The following ST6GALNAC3 variants were observed in gnomAD, a reference collection of about 807,000 sequenced individuals.
The protein encoded by ST6GALNAC3 is ST6 N-acetylgalactosaminide alpha-2,6-sialyltransferase 3.
In ST6GALNAC3, 25 loss-of-function variants were observed where a neutral mutation model predicts 32.7. That is an observed-to-expected ratio of 0.76 (90% CI 0.56 to 1.07). ST6GALNAC3 has a LOEUF of 1.07. ST6GALNAC3 is among the 50% of genes least tolerant of loss of function. ST6GALNAC3 has a pLI of 0.00. For synonymous variants in ST6GALNAC3, 129 were observed against 133.1 expected, an observed-to-expected ratio of 0.97 and a Z score of 0.21; for missense variants, 355 against 382.4, an observed-to-expected ratio of 0.93 and a Z score of 0.60.
At chr1:76,516,673 A>G (rs569099340) in intron 3 of ST6GALNAC3, among the ~76,000 whole-genome samples, 1 of 152,230 alleles carries the variant, frequency 6.6e-6, no homozygotes, top group African/African-American at 2.4e-5. Context: ...CAATCTAATG[A>G]GCAAAAAGTT....
At chr1:76,457,983 C>T (rs1269122657) in intron 3 of ST6GALNAC3, among the ~76,000 whole-genome samples, 3 of 148,896 alleles carry the variant, frequency 2.0e-5, no homozygotes, top group African/African-American at 7.4e-5. Context: ...GCAACCTACT[C>T]ATCTGACAAA....
chr1:76,121,907 C>T (rs1440250371), intron 1 of ST6GALNAC3, among the ~76,000 whole-genome samples: 1 of 152,180 alleles, frequency 6.6e-6, no homozygotes, highest in East Asian at 1.9e-4. Flanking sequence ...GCTGTTCCAG[C>T]CCTCTTGCCG....
intron 2 of ST6GALNAC3, among the ~76,000 whole-genome samples, chr1:76,383,505 C>G (rs1174924260): frequency 6.8e-6 from 1 of 148,006 alleles, no homozygotes; most frequent in Admixed American, 6.9e-5. Flanking sequence ...TTGACAGGCT[C>G]AAACAATCCT....
At chr1:76,208,987 T>C (rs1336839196) in intron 1 of ST6GALNAC3, among the ~76,000 whole-genome samples, 1 of 152,224 alleles carries the variant, frequency 6.6e-6, no homozygotes, top group South Asian at 2.1e-4. Flanking sequence ...TCTTCATCTT[T>C]AATGATAAAT....
intron 3 of ST6GALNAC3, among the ~76,000 whole-genome samples, chr1:76,623,834 A>G (rs1472047972): frequency 6.6e-6 from 1 of 151,928 alleles, no homozygotes. Context: ...TGGAAATGGT[A>G]CGGCTACAAG....
intron 1 of ST6GALNAC3, among the ~76,000 whole-genome samples, chr1:76,217,101 A>T (rs1655507735): frequency 6.6e-6 from 1 of 152,210 alleles, no homozygotes; most frequent in Admixed American, 6.5e-5. Flanking sequence ...TTAAGATGTA[A>T]GTTTTGAAAT....
intron 3 of ST6GALNAC3, among the ~76,000 whole-genome samples, chr1:76,469,264 CCAT>C (rs1184008254): frequency 6.6e-6 from 1 of 152,020 alleles, no homozygotes; most frequent in Non-Finnish European, 1.5e-5. Flanking sequence ...CTCCTTCATG[CCAT>C]CATCATTTAC....
intron 2 of ST6GALNAC3, among the ~76,000 whole-genome samples, chr1:76,332,474 C>G (rs899634519): frequency 1.3e-5 from 2 of 152,174 alleles, no homozygotes; most frequent in Non-Finnish European, 2.9e-5. Flanking sequence ...ACTAACTTCA[C>G]TAAGCTCTTA....
rs535694850 is a variant in ST6GALNAC3 at position 76,120,566 on chromosome 1, A to C, written c.18+45682A>C. On this transcript the variant is annotated intron_variant, in intron 1 of 4. Coordinates refer to ENST00000328299, the MANE Select transcript of ST6GALNAC3 (RefSeq NM_152996.4). ...AACCCCCATTTTGCAGAAGACACTG[A>C]AGCTCAGAGAAATTATAGGAATTGC... is the stretch of plus-strand genomic sequence containing the variant. 1.7e-3 allele frequency among the ~76,000 whole-genome samples: 264 copies of C among 152,328 alleles called. 1 individual carries two copies. Among genetic ancestry groups the C allele is most frequent in the Non-Finnish European group, 3.2e-3 (215 of 68,032 alleles).
At chr1:76,570,742 G>T (rs1350657874) in intron 3 of ST6GALNAC3, among the ~76,000 whole-genome samples, 1 of 151,988 alleles carries the variant, frequency 6.6e-6, no homozygotes, top group Non-Finnish European at 1.5e-5. Context: ...CTCTTGCCGT[G>T]GGGGACACCA....
At chr1:76,468,683 T>G (rs1658815930) in intron 3 of ST6GALNAC3, among the ~76,000 whole-genome samples, 1 of 152,028 alleles carries the variant, frequency 6.6e-6, no homozygotes, top group South Asian at 2.1e-4. Flanking sequence ...TACTTGAGGA[T>G]CTACACTCCC....
At chr1:76,425,103 A>G (rs2101402445) in intron 3 of ST6GALNAC3, among the ~76,000 whole-genome samples, 1 of 152,142 alleles carries the variant, frequency 6.6e-6, no homozygotes, top group East Asian at 1.9e-4. Flanking sequence ...AGTGAGAGGG[A>G]TGATGAGAGT....
chr1:76,376,667 T>G (rs934962859), intron 2 of ST6GALNAC3, among the ~76,000 whole-genome samples: 1 of 152,212 alleles, frequency 6.6e-6, no homozygotes, highest in Non-Finnish European at 1.5e-5. Context: ...TGGATTGTTG[T>G]TTTTATCCAC....
At chr1:76,326,426 A>G (rs1647070813) in intron 2 of ST6GALNAC3, among the ~76,000 whole-genome samples, 1 of 152,186 alleles carries the variant, frequency 6.6e-6, no homozygotes, top group Non-Finnish European at 1.5e-5. Flanking sequence ...TATGAAGGTG[A>G]GAGTAGAGAG....
chr1:76,626,792 G>A (rs1648994301), intron 3 of ST6GALNAC3, among the ~76,000 whole-genome samples: 1 of 151,826 alleles, frequency 6.6e-6, no homozygotes. Flanking sequence ...AGAAGGTTTG[G>A]TTGTTTTGAT....
intron 1 of ST6GALNAC3, among the ~76,000 whole-genome samples, chr1:76,288,127 T>C (rs370680377): frequency 2.4e-4 from 37 of 152,360 alleles, no homozygotes; most frequent in East Asian, 7.7e-4. Context: ...AGGATTTTAA[T>C]TGGCTACCTT....
chr1:76,625,392 G>A (rs985421250), intron 3 of ST6GALNAC3, among the ~76,000 whole-genome samples: 29 of 151,774 alleles, frequency 1.9e-4, no homozygotes, highest in African/African-American at 6.8e-4. Flanking sequence ...GTAACTTTTA[G>A]TGATCTCTAT....
chr1:76,369,909 G>A (rs1287973173), intron 2 of ST6GALNAC3, among the ~76,000 whole-genome samples: 1 of 152,190 alleles, frequency 6.6e-6, no homozygotes, highest in East Asian at 1.9e-4. Flanking sequence ...TGGCTATGCT[G>A]CTTTCTCTAT....
chr1:76,618,037 C>T (rs1311052286), intron 3 of ST6GALNAC3, among the ~76,000 whole-genome samples: 1 of 152,134 alleles, frequency 6.6e-6, no homozygotes, highest in Non-Finnish European at 1.5e-5. Context: ...GATAGTGTCT[C>T]TATACTAAAA....
Sources: allele counts gnomAD v4.1 joint callset (sites outside exome capture counted in the v4.1 genomes callset), GRCh38; gene constraint gnomAD v4.1.1; transcripts MANE v1.5; gene names NCBI Gene and HGNC (gene_info 2026-07-23, HGNC 2026-07-21).